The following TASP1 variants were observed in gnomAD, a reference collection of about 807,000 sequenced individuals.
TASP1 encodes the protein threonine aspartase 1.
In TASP1, 16 loss-of-function variants were observed where a neutral mutation model predicts 56.6. The ratio of observed to expected loss-of-function variants is 0.28; its 90% CI spans 0.19 to 0.43. TASP1 has a LOEUF of 0.43. Ranked by LOEUF, TASP1 falls within the 20% of genes least tolerant of loss-of-function variation. TASP1 has a pLI of 1.00. For synonymous variants in TASP1, 179 were observed against 184.2 expected, an observed-to-expected ratio of 0.97 and a Z score of 0.23; for missense variants, 393 against 511.6, an observed-to-expected ratio of 0.77 and a Z score of 2.24.
the TASP1 span, among the ~76,000 whole-genome samples, chr20:13,148,069 T>C: frequency 6.6e-6 from 1 of 152,154 alleles, no homozygotes; most frequent in East Asian, 1.9e-4. Flanking sequence ...AGAGAAGAAA[T>C]TTTCCTTCTT....
the TASP1 span, among the ~76,000 whole-genome samples, chr20:13,372,050 A>C: frequency 6.6e-6 from 1 of 152,178 alleles, no homozygotes; most frequent in Non-Finnish European, 1.5e-5. Flanking sequence ...ATAAAGTATA[A>C]CTTCTGTAGA....
chr20:13,125,320 A>G, the TASP1 span, among the ~76,000 whole-genome samples: 1 of 152,224 alleles, frequency 6.6e-6, no homozygotes, highest in Non-Finnish European at 1.5e-5. Flanking sequence ...CATTCCAAAG[A>G]GTGTTACACA....
the TASP1 span, among the ~76,000 whole-genome samples, chr20:13,200,744 G>C: frequency 6.6e-6 from 1 of 152,340 alleles, no homozygotes; most frequent in South Asian, 2.1e-4. Context: ...TAACATTGGA[G>C]GTAAATTTCC....
the TASP1 span, among the ~76,000 whole-genome samples, chr20:13,111,075 A>T: frequency 6.6e-6 from 1 of 152,134 alleles, no homozygotes; most frequent in Non-Finnish European, 1.5e-5. Flanking sequence ...TTAAGAAAAA[A>T]AAAGTGAATT....
At chr20:13,346,441 G>A in the TASP1 span, among the ~76,000 whole-genome samples, 1 of 152,216 alleles carries the variant, frequency 6.6e-6, no homozygotes, top group Non-Finnish European at 1.5e-5. Flanking sequence ...AAAGCAGGAA[G>A]ATGTTTTTCT....
At chr20:13,293,990 A>G in the TASP1 span, among the ~76,000 whole-genome samples, 4 of 151,988 alleles carry the variant, frequency 2.6e-5, no homozygotes, top group Non-Finnish European at 4.4e-5. Flanking sequence ...AAAAAGAAAG[A>G]AAAAGAAAAA....
At chr20:13,360,374 C>T in the TASP1 span, among the ~76,000 whole-genome samples, 161 of 151,780 alleles carry the variant, frequency 1.1e-3, 1 homozygote, top group African/African-American at 3.6e-3. Flanking sequence ...CATCTGTTAC[C>T]TATCTCGGCA....
At chr20:13,538,495 G>A (rs73610484) in intron 8 of TASP1, among the ~76,000 whole-genome samples, 5 of 152,110 alleles carry the variant, frequency 3.3e-5, no homozygotes, top group East Asian at 1.9e-4. Context: ...AGCCCTCCTC[G>A]TATACCTCTG....
the TASP1 span, among the ~76,000 whole-genome samples, chr20:13,225,012 A>ATTT: frequency 8.4e-4 from 115 of 137,682 alleles, no homozygotes; most frequent in Non-Finnish European, 1.2e-3. Flanking sequence ...CGCCCGGCTA[A>ATTT]TTTTTTTTTT....
At chr20:13,228,175 G>C in the TASP1 span, among the ~76,000 whole-genome samples, 1 of 151,662 alleles carries the variant, frequency 6.6e-6, no homozygotes, top group African/African-American at 2.4e-5. Flanking sequence ...GTTTCACCAT[G>C]TTGGCCAGGC....
intron 4 of TASP1, among the ~76,000 whole-genome samples, chr20:13,592,835 G>A (rs1435919958): frequency 6.6e-6 from 1 of 151,868 alleles, no homozygotes; most frequent in Non-Finnish European, 1.5e-5. Flanking sequence ...TTTCTAATAA[G>A]CAATGAATGC....
chr20:13,438,004 A>C (rs1600795237), intron 11 of TASP1, among the ~76,000 whole-genome samples: 2 of 152,168 alleles, frequency 1.3e-5, no homozygotes, highest in East Asian at 1.9e-4. Context: ...AATTGGAAAA[A>C]ACTACTTTAA....
At chr20:13,160,261 G>T in the TASP1 span, 15 of 1,147,324 alleles carry the variant, frequency 1.3e-5, no homozygotes, top group Non-Finnish European at 1.7e-5. Flanking sequence ...ACTGACAAAA[G>T]TCACTGCCAA....
chr20:13,633,844 A>C (rs1246027125), intron 1 of TASP1, among the ~76,000 whole-genome samples: 1 of 152,048 alleles, frequency 6.6e-6, no homozygotes, highest in African/African-American at 2.4e-5. Flanking sequence ...AAAAAAAAAA[A>C]CTTCTATCAA....
At chr20:13,345,818 G>A in the TASP1 span, among the ~76,000 whole-genome samples, 1 of 144,456 alleles carries the variant, frequency 6.9e-6, no homozygotes, top group African/African-American at 2.5e-5. Flanking sequence ...AGCTGAGGAT[G>A]GTGAGCAGGA....
In TASP1 at chr20:13,480,992, A is replaced by C. The variant is rs577491184; in HGVS notation, c.985+2235T>G. ...CTCTTTTAGTTATTTTAAAATGTAT[A>C]ATTAAATTATTATTGGCCATAGTCA... On this transcript the variant is annotated intron_variant, in intron 11 of 13. Coordinates refer to ENST00000337743, the MANE Select transcript of TASP1 (RefSeq NM_017714.3). Among the ~76,000 whole-genome samples, 4 of 152,166 alleles carry C rather than the reference A, an allele frequency of 2.6e-5. No homozygotes were observed. The South Asian group carries it at 8.3e-4, about 32-fold the overall frequency.
the TASP1 span, among the ~76,000 whole-genome samples, chr20:13,105,237 A>C: frequency 1.3e-5 from 2 of 151,424 alleles, no homozygotes; most frequent in Non-Finnish European, 2.9e-5. Flanking sequence ...TGTGATTCTA[A>C]GAGGTCGGAG....
chr20:13,449,233 C>T (rs777568700), intron 11 of TASP1, among the ~76,000 whole-genome samples: 1 of 152,078 alleles, frequency 6.6e-6, no homozygotes, highest in Non-Finnish European at 1.5e-5. Context: ...CCAAATAATG[C>T]AGGTGAGCAA....
At chr20:13,442,055 C>A (rs1369976168) in intron 11 of TASP1, among the ~76,000 whole-genome samples, 1 of 152,090 alleles carries the variant, frequency 6.6e-6, no homozygotes, top group Non-Finnish European at 1.5e-5. Context: ...TTTTACACAT[C>A]ATTTGTACTT....
Sources: gnomAD v4.1 joint callset for allele counts (sites outside exome capture counted in the v4.1 genomes callset) on GRCh38, gnomAD v4.1.1 for gene constraint, MANE v1.5 for transcripts, NCBI Gene and HGNC (gene_info 2026-07-23, HGNC 2026-07-21) for gene names.